The following CSMD1 variants were observed in gnomAD, a reference collection of about 807,000 sequenced individuals.
CSMD1 encodes CUB and Sushi multiple domains 1.
CSMD1 carries 213 observed loss-of-function variants against 417.5 expected under a neutral mutation model. That is an observed-to-expected ratio of 0.51 (90% CI 0.46 to 0.57). The LOEUF (loss-of-function observed/expected upper bound fraction) is 0.57, where lower values mean the gene tolerates loss of function less well. CSMD1 is among the 20% of genes least tolerant of loss of function. The pLI, the probability that CSMD1 is intolerant of heterozygous loss-of-function variation, is 0.00. For missense variants in CSMD1, 6,923 were observed against 4,529.7 expected (o/e 1.53, Z -15.17); for synonymous variants, 2,862 against 1,736.8 (o/e 1.65, Z -16.11).
intron 1 of CSMD1, among the ~76,000 whole-genome samples, chr8:4,648,014 T>C (rs940150565): frequency 4.6e-5 from 7 of 152,240 alleles, no homozygotes; most frequent in Non-Finnish European, 8.8e-5. Context: ...GTTGTTGAAC[T>C]AATTTCCATT....
intron 10 of CSMD1, among the ~76,000 whole-genome samples, chr8:3,512,383 G>C (rs1004802657): frequency 6.6e-6 from 1 of 152,052 alleles, no homozygotes; most frequent in African/African-American, 2.4e-5. Flanking sequence ...AAGATTACTC[G>C]TGTGTCTCTC....
At chr8:4,978,804 G>A (rs1278530318) in intron 1 of CSMD1, among the ~76,000 whole-genome samples, 1 of 152,176 alleles carries the variant, frequency 6.6e-6, no homozygotes, top group Non-Finnish European at 1.5e-5. Context: ...TGGGCATGGT[G>A]GCAGGTGCCT....
chr8:4,735,933 G>C (rs763277465), intron 1 of CSMD1, among the ~76,000 whole-genome samples: 1 of 152,060 alleles, frequency 6.6e-6, no homozygotes, highest in South Asian at 2.1e-4. Context: ...AGTAGCCACC[G>C]GTTGCAACAT....
chr8:4,436,680 C>G (rs1236792925), intron 2 of CSMD1, among the ~76,000 whole-genome samples: 2 of 152,034 alleles, frequency 1.3e-5, no homozygotes, highest in East Asian at 1.9e-4. Flanking sequence ...CTCCTACTAC[C>G]CTACACAGCT....
At chr8:4,531,658 T>C (rs1294227926) in intron 2 of CSMD1, among the ~76,000 whole-genome samples, 1 of 152,170 alleles carries the variant, frequency 6.6e-6, no homozygotes, top group Non-Finnish European at 1.5e-5. Flanking sequence ...TAGCTCTGTG[T>C]GCTTATCTAG....
chr8:3,609,389 T>C (rs1442112029), intron 8 of CSMD1, among the ~76,000 whole-genome samples: 3 of 152,236 alleles, frequency 2.0e-5, no homozygotes, highest in Non-Finnish European at 4.4e-5. Flanking sequence ...TAGACAGTGG[T>C]CTATGGTGAA....
chr8:3,708,584 T>C (rs10105577), intron 6 of CSMD1, 93 bp from the exon 7 acceptor site: 935,569 of 1,011,952 alleles, frequency 0.92, 433,620 homozygotes, highest in East Asian at 0.99. Context: ...ATAACTGCTT[T>C]CTATCAACCC....
intron 6 of CSMD1, among the ~76,000 whole-genome samples, chr8:3,712,759 C>T (rs1801600038): frequency 6.6e-6 from 1 of 152,158 alleles, no homozygotes. Flanking sequence ...AAGTTAGTCT[C>T]ACATTCCCTG....
chr8:3,464,975 T>G (rs1036250437), intron 12 of CSMD1, among the ~76,000 whole-genome samples: 2 of 152,188 alleles, frequency 1.3e-5, no homozygotes, highest in Admixed American at 6.5e-5. Context: ...ACTCTCTCTC[T>G]CTCGTTCTGT....
chr8:4,221,503 G>A (rs80216825), intron 3 of CSMD1, among the ~76,000 whole-genome samples: 1,861 of 152,234 alleles, frequency 0.012, 43 homozygotes, highest in African/African-American at 0.043. Flanking sequence ...TTGGGAATTC[G>A]TGAAACAAGC....
intron 23 of CSMD1, among the ~76,000 whole-genome samples, chr8:3,336,816 G>C (rs1021081491): frequency 6.6e-6 from 1 of 152,144 alleles, no homozygotes; most frequent in African/African-American, 2.4e-5. Flanking sequence ...GACAGGCACA[G>C]CTCCTGTCTA....
At chr8:4,592,018 A>G (rs1800014434) in intron 2 of CSMD1, among the ~76,000 whole-genome samples, 1 of 152,120 alleles carries the variant, frequency 6.6e-6, no homozygotes, top group Non-Finnish European at 1.5e-5. Flanking sequence ...TGCGGCCAGG[A>G]TGGGACCAGT....
At chr8:4,162,294 G>T (rs13248788) in intron 3 of CSMD1, among the ~76,000 whole-genome samples, 41,813 of 152,080 alleles carry the variant, frequency 0.27, 6,999 homozygotes, top group African/African-American at 0.46. Flanking sequence ...GTTTGCTAAA[G>T]AAAACTCAGC....
At chr8:4,024,911 G>C (rs909775181) in intron 4 of CSMD1, among the ~76,000 whole-genome samples, 12 of 151,056 alleles carry the variant, frequency 7.9e-5, no homozygotes, top group African/African-American at 2.4e-4. Context: ...ATAAATGAAA[G>C]CATGTAAAAA....
chr8:4,486,410 A>G (rs1554494361), intron 2 of CSMD1, among the ~76,000 whole-genome samples: 1 of 150,948 alleles, frequency 6.6e-6, no homozygotes, highest in Non-Finnish European at 1.5e-5. Context: ...GAATCATAAC[A>G]TGATTTATAT....
intron 26 of CSMD1, among the ~76,000 whole-genome samples, chr8:3,238,222 T>TTGAGCCAGGA (rs1799277342): frequency 6.6e-6 from 1 of 151,774 alleles, no homozygotes; most frequent in East Asian, 1.9e-4. Context: ...AGGGGAGCTT[T>TTGAGCCAGGA]TGAGCCAGGA....
chr8:3,793,655 T>C (rs1799875353), intron 5 of CSMD1, among the ~76,000 whole-genome samples: 1 of 152,134 alleles, frequency 6.6e-6, no homozygotes, highest in African/African-American at 2.4e-5. Context: ...TTGGATGATC[T>C]CTCAGCATTT....
chr8:3,560,601 G>C lies in CSMD1; in HGVS notation c.1344+14344C>G, dbSNP rs183430887. ...TGGGAGAGGAAGAAGGAATGGAAAG[G>C]CTAGAGAAAAGGGGGAATGAGATGG... On this transcript the variant is annotated intron_variant, in intron 10 of 69. Transcript: ENST00000635120. 1.7e-3 allele frequency among the ~76,000 whole-genome samples: 255 copies of C among 152,250 alleles called. 2 individuals carry two copies. Among genetic ancestry groups the C allele is most frequent in the African/African-American group, 5.8e-3 (242 of 41,540 alleles).
Position 3,408,062 on chromosome 8 carries a change from G to A in CSMD1, c.1908C>T (p.Asp636=), listed in dbSNP as rs1270432283. 2 of 1,613,818 alleles carry A rather than the reference G, an allele frequency of 1.2e-6. No homozygotes were observed. The highest frequency in any genetic ancestry group is 2.2e-5 in the East Asian group (1 of 44,884). The change falls in exon 14 of 70, where the codon GAC becomes GAT. Residue 636 remains aspartate (D), a synonymous_variant. Transcript: ENST00000635120. ...TGCCATCATCCTTGACCGCGAGAAA[G>A]TCAAACTGAGGCTCAACATCAAAAT... ...FNDFDVEPQF[D]FLAVKDDGIS... is the part of the protein sequence containing the mutation.
Sources: gnomAD v4.1 joint callset for allele counts (sites outside exome capture counted in the v4.1 genomes callset) on GRCh38, gnomAD v4.1.1 for gene constraint, MANE v1.5 for transcripts, NCBI Gene and HGNC (gene_info 2026-07-23, HGNC 2026-07-21) for gene names.